VPS39: variants seen among roughly 807,000 people sequenced by gnomAD.
The protein encoded by VPS39 is VPS39 subunit of HOPS complex, also known as vam6/Vps39-like protein.
In VPS39, 70 loss-of-function variants were observed where a neutral mutation model predicts 121.0. The ratio of observed to expected loss-of-function variants is 0.58; its 90% CI spans 0.48 to 0.71. VPS39 has a LOEUF of 0.71. VPS39 is among the 30% of genes least tolerant of loss of function. VPS39 has a pLI of 0.00. For synonymous variants in VPS39, 378 were observed against 398.1 expected, an observed-to-expected ratio of 0.95 and a Z score of 0.60; for missense variants, 818 against 1,051.5, an observed-to-expected ratio of 0.78 and a Z score of 3.07.
At chr15:42,197,941 T>C (rs541182380) in intron 2 of VPS39, among the ~76,000 whole-genome samples, 3 of 152,292 alleles carry the variant, frequency 2.0e-5, no homozygotes, top group African/African-American at 7.2e-5. Flanking sequence ...ACCAAGAGTA[T>C]AGGGAAAAAT....
At chr15:42,184,760 A>G (rs1290463609) in intron 7 of VPS39, 60 bp from the exon 8 acceptor site, 1 of 1,510,626 alleles carries the variant, frequency 6.6e-7, no homozygotes, top group African/African-American at 1.4e-5. Context: ...AGAACACAGG[A>G]AAAATCCAGA....
At chr15:42,195,005 C>A (rs1333065349) in intron 2 of VPS39, among the ~76,000 whole-genome samples, 1 of 152,040 alleles carries the variant, frequency 6.6e-6, no homozygotes, top group Non-Finnish European at 1.5e-5. Context: ...CTTGTAGGTC[C>A]TCTGAAAGGA....
chr15:42,164,054 A>T (rs910054066), intron 19 of VPS39, among the ~76,000 whole-genome samples: 2 of 152,256 alleles, frequency 1.3e-5, no homozygotes, highest in African/African-American at 4.8e-5. Context: ...GCTCTCATAA[A>T]GACAAATTAT....
intron 11 of VPS39, 90 bp downstream of exon 11, chr15:42,173,633 A>G: frequency 1.3e-6 from 2 of 1,522,552 alleles, no homozygotes; most frequent in Non-Finnish European, 1.8e-6. Context: ...AACCTTCTCC[A>G]TTCTCAGAAG....
At chr15:42,182,249 T>C (rs13647) in intron 8 of VPS39, among the ~76,000 whole-genome samples, 1 of 152,250 alleles carries the variant, frequency 6.6e-6, no homozygotes, top group Non-Finnish European at 1.5e-5. Flanking sequence ...TTTATTTTTA[T>C]GCTGGCCTCA....
intron 1 of VPS39, among the ~76,000 whole-genome samples, chr15:42,205,802 G>T (rs556775620): frequency 6.6e-6 from 1 of 152,306 alleles, no homozygotes; most frequent in African/African-American, 2.4e-5. Flanking sequence ...ACAGATGATG[G>T]TGCCTTCAAG....
intron 1 of VPS39, among the ~76,000 whole-genome samples, chr15:42,201,327 C>T (rs2050063707): frequency 6.6e-6 from 1 of 152,056 alleles, no homozygotes; most frequent in Non-Finnish European, 1.5e-5. Flanking sequence ...AGGCATGCAC[C>T]ACCACGTTCA....
chr15:42,168,816 T>C (rs2049295145), intron 12 of VPS39, among the ~76,000 whole-genome samples: 2 of 152,200 alleles, frequency 1.3e-5, no homozygotes, highest in Admixed American at 1.3e-4. Context: ...GTGCTGGGAT[T>C]ACGGGCATGA....
At chr15:42,164,261 C>A in intron 19 of VPS39, 97 bp downstream of exon 19, 1 of 1,541,216 alleles carries the variant, frequency 6.5e-7, no homozygotes, top group Non-Finnish European at 8.7e-7. Flanking sequence ...TTTTCCAGGC[C>A]CAACTTTTGT....
chr15:42,199,614 G>A (rs766871342), intron 2 of VPS39: 13 of 482,488 alleles, frequency 2.7e-5, no homozygotes, highest in Non-Finnish European at 4.4e-5. Flanking sequence ...AAGAAAAGAG[G>A]AGGAAAACAA....
intron 19 of VPS39, among the ~76,000 whole-genome samples, 186 bp from the exon 20 acceptor site, chr15:42,163,914 A>G (rs1423911824): frequency 1.3e-5 from 2 of 152,180 alleles, no homozygotes; most frequent in Non-Finnish European, 2.9e-5. Flanking sequence ...TATTTTAGGA[A>G]GTACTTTATC....
In VPS39 at chr15:42,163,361, C is replaced by T. The variant is rs2049175968; in HGVS notation, c.2164G>A (p.Gly722Ser). ...GGGTCACTACTCACATCTTTGTTGC[C>T]ATCTTTGTTTCGGTCATAGTGTTTG... ...CHKHYDRNKD[G>S]NKDVYLSLLR... is the part of the protein sequence containing the mutation. Residue 722 changes from glycine (G) to serine (S), a missense_variant, in exon 21 of 25, where the codon GGC becomes AGC. Gly to Ser is a moderately conservative substitution (Grantham distance 56). Coordinates refer to ENST00000318006, the MANE Select transcript of VPS39 (RefSeq NM_015289.5). 6.2e-7 allele frequency: 1 copy of T among 1,614,056 alleles called. No individual in the cohort carries two copies. The highest frequency in any genetic ancestry group is 1.7e-5 in the Admixed American group (1 of 59,996).
intron 2 of VPS39, among the ~76,000 whole-genome samples, chr15:42,195,483 C>T (rs953703027): frequency 6.6e-6 from 1 of 152,132 alleles, no homozygotes; most frequent in Non-Finnish European, 1.5e-5. Flanking sequence ...TCTCAGGATA[C>T]AAAATCAATG....
intron 9 of VPS39, 37 bp from the exon 10 acceptor site, chr15:42,178,375 A>C (rs758699343): frequency 6.2e-7 from 1 of 1,614,058 alleles, no homozygotes; most frequent in Non-Finnish European, 8.5e-7. Flanking sequence ...AAAAGATCAC[A>C]GGCTTTGTGA....
Position 42,164,487 on chromosome 15 carries a change from C to A in VPS39, c.1898-1G>T, listed in dbSNP as rs778604045. On this transcript the variant is annotated splice_acceptor_variant, in intron 18 of 24. Transcript: ENST00000318006. LOFTEE classifies it high-confidence loss of function. ...TCTCCAGCTGGGACTGGGGTTTTGCCTTTAAGGGAAACCAAGCTCAAAATG... is the reference window on the plus strand; with the variant it reads ...TCTCCAGCTGGGACTGGGGTTTTGCATTTAAGGGAAACCAAGCTCAAAATG... 6.2e-7 allele frequency: 1 copy of A among 1,613,850 alleles called. No individual in the cohort carries two copies. The highest frequency in any genetic ancestry group is 8.5e-7 in the Non-Finnish European group (1 of 1,179,968).
At chr15:42,192,027 A>T (rs1399017150) in intron 2 of VPS39, 2 of 1,535,146 alleles carry the variant, frequency 1.3e-6, no homozygotes, top group Non-Finnish European at 1.7e-6. Flanking sequence ...ACTCAAACCC[A>T]TCTCCAGAGC....
At chr15:42,192,691 GA>G (rs1053666815) in intron 2 of VPS39, among the ~76,000 whole-genome samples, 1 of 150,306 alleles carries the variant, frequency 6.7e-6, no homozygotes, top group Non-Finnish European at 1.5e-5. Flanking sequence ...CATTTCATGA[GA>G]AAAAAAAACA....
chr15:42,176,750 T>C (rs567621525), intron 10 of VPS39, among the ~76,000 whole-genome samples: 1 of 152,316 alleles, frequency 6.6e-6, no homozygotes, highest in East Asian at 1.9e-4. Flanking sequence ...GTAGCCACCA[T>C]AGGTAACTTA....
chr15:42,164,550 A>G, intron 18 of VPS39, 64 bp from the exon 19 acceptor site: 1 of 1,593,646 alleles, frequency 6.3e-7, no homozygotes, highest in Non-Finnish European at 8.5e-7. Context: ...GGTCATCAAG[A>G]AAAATGAAGG....
Sources: gnomAD v4.1 joint callset for allele counts (sites outside exome capture counted in the v4.1 genomes callset) on GRCh38, gnomAD v4.1.1 for gene constraint, MANE v1.5 for transcripts, NCBI Gene and HGNC (gene_info 2026-07-23, HGNC 2026-07-21) for gene names.